Variants in NALF1 observed in about 807,000 individuals in gnomAD.
NALF1 encodes family with sequence similarity 155 member A.
In NALF1, 3 loss-of-function variants were observed where a neutral mutation model predicts 48.4. That is an observed-to-expected ratio of 0.06 (90% CI 0.03 to 0.16). The LOEUF (loss-of-function observed/expected upper bound fraction) is 0.16. Ranked by LOEUF, NALF1 falls within the 10% of genes least tolerant of loss-of-function variation. NALF1 has a pLI of 1.00. For missense variants in NALF1, 526 were observed against 571.5 expected (o/e 0.92, Z 0.81); for synonymous variants, 262 against 245.7 (o/e 1.07, Z -0.62).
At chr13:107,686,296 G>A (rs569938851) in intron 1 of NALF1, among the ~76,000 whole-genome samples, 7 of 152,294 alleles carry the variant, frequency 4.6e-5, no homozygotes, top group East Asian at 1.9e-4. Flanking sequence ...AATTTCACAT[G>A]ATTGAAAGTC....
intron 1 of NALF1, among the ~76,000 whole-genome samples, chr13:107,303,737 A>AT (rs1000162131): frequency 1.3e-5 from 2 of 151,834 alleles, no homozygotes; most frequent in East Asian, 1.9e-4. Context: ...CTTCAAGAAA[A>AT]TTTTTTTTTA....
intron 1 of NALF1, among the ~76,000 whole-genome samples, chr13:107,685,776 G>A (rs1422159684): frequency 6.6e-6 from 1 of 152,218 alleles, no homozygotes; most frequent in African/African-American, 2.4e-5. Flanking sequence ...TGATTGATTC[G>A]TGAATGCAAA....
chr13:107,778,268 G>A (rs1877793153), intron 1 of NALF1, among the ~76,000 whole-genome samples: 1 of 152,198 alleles, frequency 6.6e-6, no homozygotes, highest in Non-Finnish European at 1.5e-5. Flanking sequence ...ATCCCTTGGT[G>A]TAAAGGAATG....
chr13:107,619,823 TAACCA>T (rs1404908329), intron 1 of NALF1, among the ~76,000 whole-genome samples: 1 of 152,146 alleles, frequency 6.6e-6, no homozygotes, highest in Non-Finnish European at 1.5e-5. Context: ...GACCCTCAGG[TAACCA>T]TGTCATATGA....
At chr13:107,368,820 A>G (rs188503899) in intron 1 of NALF1, among the ~76,000 whole-genome samples, 1 of 152,278 alleles carries the variant, frequency 6.6e-6, no homozygotes, top group East Asian at 1.9e-4. Context: ...CTGTGGACAT[A>G]TCTTTTGGGG....
intron 1 of NALF1, among the ~76,000 whole-genome samples, chr13:107,687,263 T>C (rs917734857): frequency 6.6e-6 from 1 of 151,166 alleles, no homozygotes; most frequent in Non-Finnish European, 1.5e-5. Context: ...CACATGGACA[T>C]AAAGATGGAA....
chr13:107,480,446 C>A (rs1885237698), intron 1 of NALF1, among the ~76,000 whole-genome samples: 1 of 152,114 alleles, frequency 6.6e-6, no homozygotes, highest in African/African-American at 2.4e-5. Flanking sequence ...CAGTAAAATT[C>A]CAAATTGCTA....
At chr13:107,645,484 C>T (rs1317431853) in intron 1 of NALF1, among the ~76,000 whole-genome samples, 1 of 152,096 alleles carries the variant, frequency 6.6e-6, no homozygotes, top group Admixed American at 6.6e-5. Context: ...ATCAGTTTAA[C>T]TCACCCAATT....
chr13:107,307,712 G>A (rs1881965212), intron 1 of NALF1, among the ~76,000 whole-genome samples: 1 of 149,976 alleles, frequency 6.7e-6, no homozygotes, highest in African/African-American at 2.4e-5. Context: ...ACAAGGAAAT[G>A]GAATCAGTCT....
At position 107,866,446 on chromosome 13, in the gene NALF1, G is replaced by A; in HGVS notation, c.151C>T (p.Leu51=). 1 of 1,614,178 alleles carries A rather than the reference G, an allele frequency of 6.2e-7. No homozygotes were observed. The highest frequency in any genetic ancestry group is 1.1e-5 in the South Asian group (1 of 91,086). Residue 51 remains leucine, a synonymous_variant, in exon 1 of 3, where the codon CTG becomes TTG. Coordinates refer to ENST00000375915, the MANE Select transcript of NALF1 (RefSeq NM_001080396.3). The surrounding 1 kb of genome is among the most constrained non-coding windows in gnomAD (Gnocchi z 4.4). ...SLASLLFFTV[L]LSDHLWFCAE... is the part of the protein sequence containing the mutation. ...CAGAACCACAAGTGATCAGAGAGCA[G>A]GACTGTGAAAAACAAGAGAGATGCC...
At chr13:107,680,446 G>A (rs1881260565) in intron 1 of NALF1, among the ~76,000 whole-genome samples, 1 of 152,072 alleles carries the variant, frequency 6.6e-6, no homozygotes, top group South Asian at 2.1e-4. Flanking sequence ...GTGAGTGTGA[G>A]AACTCAAGGG....
intron 1 of NALF1, among the ~76,000 whole-genome samples, chr13:107,735,526 A>AT (rs1876443351): frequency 6.6e-6 from 1 of 152,162 alleles, no homozygotes; most frequent in Non-Finnish European, 1.5e-5. Context: ...CTGCGCACAC[A>AT]TATGTTTAAT....
intron 1 of NALF1, among the ~76,000 whole-genome samples, chr13:107,757,437 G>GTTTTT (rs1566470520): frequency 2.7e-5 from 3 of 109,948 alleles, no homozygotes; most frequent in Non-Finnish European, 3.7e-5. Context: ...TTTTTTTTCA[G>GTTTTT]TCAACAGGTA....
At chr13:107,748,200 A>G (rs569424253) in intron 1 of NALF1, among the ~76,000 whole-genome samples, 120 of 152,284 alleles carry the variant, frequency 7.9e-4, no homozygotes, top group African/African-American at 2.8e-3. Context: ...GGGAACTCTT[A>G]CCAAGTAATA....
intron 1 of NALF1, among the ~76,000 whole-genome samples, chr13:107,836,151 C>T (rs1879881916): frequency 6.6e-6 from 1 of 151,998 alleles, no homozygotes; most frequent in Non-Finnish European, 1.5e-5. Flanking sequence ...TCACCATGCT[C>T]GACTAATTTT....
intron 1 of NALF1, among the ~76,000 whole-genome samples, chr13:107,793,801 T>G (rs1878322519): frequency 6.6e-6 from 1 of 152,172 alleles, no homozygotes; most frequent in Non-Finnish European, 1.5e-5. Flanking sequence ...CACTTCAACT[T>G]AACTACTTTC....
chr13:107,172,774 A>C (rs916202516), intron 2 of NALF1, among the ~76,000 whole-genome samples: 3 of 152,196 alleles, frequency 2.0e-5, no homozygotes, highest in African/African-American at 7.2e-5. Flanking sequence ...AGTCCTTTAG[A>C]TCAACATTTT....
intron 1 of NALF1, among the ~76,000 whole-genome samples, chr13:107,553,206 T>C (rs748519919): frequency 6.6e-6 from 1 of 152,204 alleles, no homozygotes; most frequent in Non-Finnish European, 1.5e-5. Flanking sequence ...AGAAACGCAT[T>C]GCTAAATCTT....
intron 1 of NALF1, among the ~76,000 whole-genome samples, chr13:107,718,108 C>T (rs891471707): frequency 2.0e-5 from 3 of 152,130 alleles, no homozygotes; most frequent in Non-Finnish European, 4.4e-5. Context: ...CATCCCGAGG[C>T]GAGAGCCCTG....
Sources: allele counts gnomAD v4.1 joint callset (sites outside exome capture counted in the v4.1 genomes callset), GRCh38; gene constraint gnomAD v4.1.1; non-coding constraint Gnocchi (gnomAD v3.1); transcripts MANE v1.5; gene names NCBI Gene and HGNC (gene_info 2026-07-23, HGNC 2026-07-21).